Variants in UBE2D2 observed in about 807,000 individuals in gnomAD.
UBE2D2 encodes ubiquitin-conjugating enzyme E2 D2.
In UBE2D2, 2 loss-of-function variants were observed where a neutral mutation model predicts 24.2. That is an observed-to-expected ratio of 0.08 (90% confidence interval 0.03 to 0.26). UBE2D2 has a LOEUF of 0.26. Ranked by LOEUF, UBE2D2 falls within the 10% of genes least tolerant of loss-of-function variation. The probability of loss-of-function intolerance (pLI) is 1.00; values close to 1 mark genes in which losing one functional copy is unlikely to be tolerated. For synonymous variants in UBE2D2, 58 were observed against 56.5 expected, an observed-to-expected ratio of 1.03 and a Z score of -0.12; for missense variants, 44 against 177.6, an observed-to-expected ratio of 0.25 and a Z score of 4.28.
Position 139,586,504 on chromosome 5 carries a change from G to T in UBE2D2, c.25-13868G>T, listed in dbSNP as rs539631147. Reference sequence around the variant, plus strand: ...TCTTAGGCTGGACACAGTGGCTTACGCCTGTAATCCCCACACTTTGGGAGG... The same window carrying T: ...TCTTAGGCTGGACACAGTGGCTTACTCCTGTAATCCCCACACTTTGGGAGG... On this transcript the variant is annotated intron_variant, in intron 1 of 6. Transcript: ENST00000398733. 2.6e-5 allele frequency among the ~76,000 whole-genome samples: 4 copies of T among 152,234 alleles called. No individual in the cohort carries two copies. The South Asian group carries it at 8.3e-4, about 32-fold the overall frequency.
chr5:139,580,725 G>T (rs1028445736), intron 1 of UBE2D2, among the ~76,000 whole-genome samples: 3 of 152,104 alleles, frequency 2.0e-5, no homozygotes, highest in Non-Finnish European at 2.9e-5. Context: ...GATTACAGGC[G>T]TGAGCCACCG....
intron 6 of UBE2D2, chr5:139,623,812 C>A (rs1754563625): frequency 6.0e-6 from 1 of 165,324 alleles, no homozygotes. Flanking sequence ...ATGCCTCAGC[C>A]TCCCGAGTAG....
intron 1 of UBE2D2, among the ~76,000 whole-genome samples, chr5:139,571,520 G>C (rs1185946736): frequency 2.6e-5 from 4 of 151,956 alleles, no homozygotes; most frequent in Non-Finnish European, 5.9e-5. Context: ...GTTCTCCCCA[G>C]GTTAGATAAG....
At chr5:139,601,648 T>G (rs1047004949) in intron 2 of UBE2D2, among the ~76,000 whole-genome samples, 1 of 151,948 alleles carries the variant, frequency 6.6e-6, no homozygotes, top group Non-Finnish European at 1.5e-5. Context: ...TCATGGCTCA[T>G]GCCTCTAATC....
intron 5 of UBE2D2, among the ~76,000 whole-genome samples, chr5:139,616,573 CT>C (rs1305890878): frequency 6.6e-6 from 1 of 151,950 alleles, no homozygotes; most frequent in African/African-American, 2.4e-5. Flanking sequence ...TATTTTTTAC[CT>C]TTTTAATTAA....
chr5:139,546,800 TTTCTTTC>T (rs372081204), intron 1 of UBE2D2, among the ~76,000 whole-genome samples: 2 of 150,870 alleles, frequency 1.3e-5, no homozygotes, highest in African/African-American at 4.8e-5. Context: ...ATTTTCTTTC[TTTCTTTC>T]TTCTTTCTTT....
chr5:139,608,468 T>C (rs1754242360), intron 2 of UBE2D2, among the ~76,000 whole-genome samples: 2 of 151,954 alleles, frequency 1.3e-5, no homozygotes, highest in African/African-American at 2.4e-5. Flanking sequence ...CTGGGTATTC[T>C]GGCTGGGCAC....
intron 1 of UBE2D2, among the ~76,000 whole-genome samples, chr5:139,578,434 T>TTGTGTG (rs34697798): frequency 0.031 from 4,490 of 145,026 alleles, 101 homozygotes; most frequent in Non-Finnish European, 0.045. Context: ...GTTTTGTGTT[T>TTGTGTG]TGTGTGTGTG....
Position 139,580,744 on chromosome 5 carries a change from C to T in UBE2D2, c.24+18929C>T, listed in dbSNP as rs572960539. ...ACAGGCGTGAGCCACCGTGCCCAGC[C>T]ACTACAAAATATTTTTTAAAATAAG... On this transcript the variant is annotated intron_variant, in intron 1 of 6. Coordinates refer to ENST00000398733, the MANE Select transcript of UBE2D2 (RefSeq NM_003339.3). Among the ~76,000 whole-genome samples, 4 of 152,280 alleles carry T rather than the reference C, an allele frequency of 2.6e-5. No individual in the cohort carries two copies. In the South Asian group the frequency reaches 8.3e-4, roughly 32 times the overall value.
intron 1 of UBE2D2, among the ~76,000 whole-genome samples, chr5:139,544,654 A>G (rs1328329175): frequency 1.3e-5 from 2 of 151,978 alleles, no homozygotes; most frequent in African/African-American, 4.8e-5. Context: ...ATGAAGATTA[A>G]AGAAAACCTT....
chr5:139,566,390 TGGGTCATGC>T (rs1753218808), intron 1 of UBE2D2, among the ~76,000 whole-genome samples: 2 of 1,190 alleles, frequency 1.7e-3, no homozygotes, highest in Non-Finnish European at 4.7e-3. Context: ...TCATGCACAG[TGGGTCATGC>T]ACAGTGGGTC....
At chr5:139,530,503 G>A (rs1031325170) in intron 1 of UBE2D2, among the ~76,000 whole-genome samples, 5 of 152,244 alleles carry the variant, frequency 3.3e-5, no homozygotes, top group East Asian at 1.9e-4. Flanking sequence ...TGAGGATATC[G>A]AACCCCTATC....
intron 1 of UBE2D2, chr5:139,562,060 G>T (rs1039303649): frequency 1.2e-6 from 1 of 817,824 alleles, no homozygotes; most frequent in Non-Finnish European, 1.8e-6. Flanking sequence ...TTCCAGGCCC[G>T]CATGGTGTGG....
At chr5:139,528,865 G>A (rs1752568907) in intron 1 of UBE2D2, among the ~76,000 whole-genome samples, 1 of 152,088 alleles carries the variant, frequency 6.6e-6, no homozygotes, top group Non-Finnish European at 1.5e-5. Context: ...AGTAGACTAG[G>A]AGCTGTACGT....
intron 6 of UBE2D2, among the ~76,000 whole-genome samples, chr5:139,624,753 C>T (rs2126711066): frequency 1.3e-5 from 2 of 152,334 alleles, no homozygotes; most frequent in South Asian, 4.1e-4. Context: ...TGCACTTCAG[C>T]CTGGGCGACA....
intron 1 of UBE2D2, among the ~76,000 whole-genome samples, chr5:139,555,353 C>A (rs924169127): frequency 6.6e-6 from 1 of 151,858 alleles, no homozygotes; most frequent in African/African-American, 2.4e-5. Flanking sequence ...ACTTGCATTT[C>A]CTTGATGATT....
At chr5:139,576,065 C>G (rs1753462054) in intron 1 of UBE2D2, among the ~76,000 whole-genome samples, 1 of 152,114 alleles carries the variant, frequency 6.6e-6, no homozygotes, top group Admixed American at 6.6e-5. Context: ...TTACAAAAGC[C>G]TCAATGGTAG....
intron 6 of UBE2D2, among the ~76,000 whole-genome samples, chr5:139,626,073 C>T (rs1279581502): frequency 1.3e-5 from 2 of 151,472 alleles, no homozygotes; most frequent in Non-Finnish European, 2.9e-5. Flanking sequence ...GGTTTTTTTT[C>T]CCCCTTTTTT....
intron 2 of UBE2D2, among the ~76,000 whole-genome samples, chr5:139,609,881 C>T (rs1754276593): frequency 6.7e-6 from 1 of 150,046 alleles, no homozygotes; most frequent in Non-Finnish European, 1.5e-5. Flanking sequence ...AAGCGATTCT[C>T]CTTCCTCAGC....
Sources: allele counts gnomAD v4.1 joint callset (sites outside exome capture counted in the v4.1 genomes callset), GRCh38; gene constraint gnomAD v4.1.1; transcripts MANE v1.5; gene names NCBI Gene and HGNC (gene_info 2026-07-23, HGNC 2026-07-21).